The following AGTPBP1 variants were observed in gnomAD, a reference collection of about 807,000 sequenced individuals.
AGTPBP1 encodes cytosolic carboxypeptidase 1.
In AGTPBP1, 70 loss-of-function variants were observed where a neutral mutation model predicts 143.9. That is an observed-to-expected ratio of 0.49 (90% confidence interval 0.40 to 0.59). AGTPBP1 has a LOEUF of 0.59. Among genes scored for constraint, AGTPBP1 ranks in the 20% least tolerant of loss-of-function variants. The probability of loss-of-function intolerance (pLI) is 0.00; values close to 1 mark genes in which losing one functional copy is unlikely to be tolerated. For missense variants in AGTPBP1, 1,229 were observed against 1,464.5 expected, an observed-to-expected ratio of 0.84 and a Z score of 2.62; for synonymous variants, 463 against 500.2, an observed-to-expected ratio of 0.93 and a Z score of 0.99.
the AGTPBP1 span, chr9:85,773,896 T>C: frequency 6.2e-7 from 1 of 1,609,978 alleles, no homozygotes; most frequent in Non-Finnish European, 8.5e-7. Context: ...GAAATGAAAA[T>C]GAAAGTTCTG....
rs552600179 is a variant in AGTPBP1 at position 85,714,586 on chromosome 9, T to A, written c.-33-2020A>T. Among the ~76,000 whole-genome samples, 4 of 152,280 alleles carry A rather than the reference T, an allele frequency of 2.6e-5. No homozygotes were observed. In the East Asian group the frequency reaches 5.8e-4, roughly 22 times the overall value. On this transcript the variant is annotated intron_variant, in intron 1 of 25. Coordinates refer to ENST00000357081, the MANE Select transcript of AGTPBP1 (RefSeq NM_001330701.2). ...GACACCAAGACCATTTTCATTATGG[T>A]TGAAAAAGACAATTGTAAAATGTAG... is the stretch of plus-strand genomic sequence containing the variant.
At chr9:85,772,574 C>T in the AGTPBP1 span, among the ~76,000 whole-genome samples, 1 of 152,132 alleles carries the variant, frequency 6.6e-6, no homozygotes, top group African/African-American at 2.4e-5. Context: ...TAGTGAGACC[C>T]TGTCTCTACG....
chr9:85,735,393 G>C (rs1214993248), intron 1 of AGTPBP1, among the ~76,000 whole-genome samples: 3 of 152,160 alleles, frequency 2.0e-5, no homozygotes, highest in East Asian at 1.9e-4. Context: ...GAGGGGGAGA[G>C]TAATTGTTTA....
At chr9:85,672,428 C>A in intron 7 of AGTPBP1, 122 bp downstream of exon 7, 1 of 1,124,600 alleles carries the variant, frequency 8.9e-7, no homozygotes. Flanking sequence ...TAAAATGAGC[C>A]ATATTAAATC....
chr9:85,787,881 G>T, the AGTPBP1 span: 1 of 152,144 alleles, frequency 6.6e-6, no homozygotes, highest in Non-Finnish European at 1.5e-5. Flanking sequence ...TGCTGCTACA[G>T]ACCTTTTCCT....
chr9:85,565,323 C>T (rs1338572023), intron 25 of AGTPBP1, among the ~76,000 whole-genome samples: 1 of 151,644 alleles, frequency 6.6e-6, no homozygotes, highest in Non-Finnish European at 1.5e-5. Flanking sequence ...AAGGATAAAA[C>T]TGAATTGAGG....
chr9:85,641,552 G>T (rs761915637), intron 13 of AGTPBP1, among the ~76,000 whole-genome samples: 1 of 151,872 alleles, frequency 6.6e-6, no homozygotes, highest in African/African-American at 2.4e-5. Context: ...AATCTAGGGG[G>T]AATACCAAGA....
At chr9:85,565,538 C>A (rs1827027958) in intron 25 of AGTPBP1, among the ~76,000 whole-genome samples, 1 of 152,026 alleles carries the variant, frequency 6.6e-6, no homozygotes. Flanking sequence ...AAGAAGGGAT[C>A]CAGAAGAGCA....
At chr9:85,801,327 T>A in the AGTPBP1 span, among the ~76,000 whole-genome samples, 161 of 152,128 alleles carry the variant, frequency 1.1e-3, no homozygotes, top group African/African-American at 3.6e-3. Flanking sequence ...TAATAATAAT[T>A]TTAATTTTTG....
intron 17 of AGTPBP1, among the ~76,000 whole-genome samples, chr9:85,614,455 G>A (rs547454665): frequency 6.6e-6 from 1 of 151,976 alleles, no homozygotes; most frequent in South Asian, 2.1e-4. Context: ...AAAAAACATA[G>A]GTGAAGGCAT....
rs78280760 is a variant in AGTPBP1, at chr9:85,584,975, T to C, written c.3165+488A>G. On this transcript the variant is annotated intron_variant, in intron 23 of 25. Transcript: ENST00000357081. ...AACTCCAACAAAGTTTATCCACAAA[T>C]GGATCCTAAAATTCACAAGTACAGA... is the stretch of plus-strand genomic sequence containing the variant. 4.1e-4 allele frequency among the ~76,000 whole-genome samples: 62 copies of C among 152,216 alleles called. No homozygotes were observed. The East Asian group carries it at 0.011, about 27-fold the overall frequency.
intron 14 of AGTPBP1, among the ~76,000 whole-genome samples, chr9:85,630,490 GATTGATT>G (rs1015433118): frequency 5.5e-5 from 8 of 145,210 alleles, no homozygotes; most frequent in African/African-American, 2.0e-4. Flanking sequence ...TTGATTGATT[GATTGATT>G]GAGACAGAGT....
chr9:85,769,428 G>A, the AGTPBP1 span, among the ~76,000 whole-genome samples: 2 of 150,802 alleles, frequency 1.3e-5, no homozygotes, highest in East Asian at 3.9e-4. Context: ...GCGTGTGCCT[G>A]TAGTCCCAGC....
intron 7 of AGTPBP1, among the ~76,000 whole-genome samples, chr9:85,670,141 G>A (rs1407945917): frequency 2.0e-5 from 3 of 152,084 alleles, no homozygotes; most frequent in African/African-American, 4.8e-5. Flanking sequence ...GGGTAGATGT[G>A]GCTCTGGACA....
At chr9:85,614,157 C>T (rs1319901756) in intron 17 of AGTPBP1, among the ~76,000 whole-genome samples, 2 of 151,838 alleles carry the variant, frequency 1.3e-5, no homozygotes, top group African/African-American at 4.8e-5. Context: ...AAATAAAATA[C>T]AAGGATGCCC....
chr9:85,753,804 A>AGATAGATAGATAGATG, the AGTPBP1 span, among the ~76,000 whole-genome samples: 1 of 147,348 alleles, frequency 6.8e-6, no homozygotes, highest in African/African-American at 2.5e-5. Context: ...ATAGATAGAT[A>AGATAGATAGATAGATG]GATGTAAAAA....
the AGTPBP1 span, among the ~76,000 whole-genome samples, chr9:85,758,864 G>T: frequency 1.8e-4 from 27 of 152,190 alleles, no homozygotes; most frequent in African/African-American, 6.5e-4. Flanking sequence ...CCAGTAATGT[G>T]AGACTCTAGG....
intron 17 of AGTPBP1, among the ~76,000 whole-genome samples, chr9:85,604,354 C>T (rs1829863124): frequency 1.3e-5 from 2 of 152,202 alleles, no homozygotes; most frequent in African/African-American, 4.8e-5. Flanking sequence ...TTGTATCTCA[C>T]CGAAGGCCAC....
intron 11 of AGTPBP1, among the ~76,000 whole-genome samples, chr9:85,654,304 TTAC>T (rs1833354809): frequency 6.6e-6 from 1 of 152,290 alleles, no homozygotes; most frequent in African/African-American, 2.4e-5. Flanking sequence ...AAATAAACTC[TTAC>T]TTCCTCTACT....
Sources: allele counts gnomAD v4.1 joint callset (sites outside exome capture counted in the v4.1 genomes callset), GRCh38; gene constraint gnomAD v4.1.1; transcripts MANE v1.5; gene names NCBI Gene and HGNC (gene_info 2026-07-23, HGNC 2026-07-21).